CDH10: variants seen among roughly 807,000 people sequenced by gnomAD.
The protein encoded by CDH10 is cadherin-10.
Under a neutral mutation model 73.1 loss-of-function variants are expected in CDH10, and 30 were observed. That is an observed-to-expected ratio of 0.41 (90% CI 0.31 to 0.56). The LOEUF is 0.56. Among genes scored for constraint, CDH10 ranks in the 20% least tolerant of loss-of-function variants. The probability of loss-of-function intolerance (pLI) is 0.27; values close to 1 mark genes in which losing one functional copy is unlikely to be tolerated. For missense variants in CDH10, 815 were observed against 973.7 expected (o/e 0.84, Z 2.17); for synonymous variants, 345 against 348.2 (o/e 0.99, Z 0.10).
chr5:24,562,170 A>G (rs554116215), intron 2 of CDH10, among the ~76,000 whole-genome samples: 99 of 152,098 alleles, frequency 6.5e-4, no homozygotes, highest in Non-Finnish European at 1.3e-3. Flanking sequence ...ATGAAACTAC[A>G]TTCATGTAAA....
intron 3 of CDH10, among the ~76,000 whole-genome samples, chr5:24,536,687 T>C (rs1743965261): frequency 6.6e-6 from 1 of 152,038 alleles, no homozygotes; most frequent in Non-Finnish European, 1.5e-5. Context: ...TTATGTACAT[T>C]GAAAAGAGAA....
At position 24,598,051 on chromosome 5, in the gene CDH10, G is replaced by C. The variant is rs1305515361; in HGVS notation, c.-123-4438C>G. 4.6e-5 allele frequency among the ~76,000 whole-genome samples: 7 copies of C among 151,852 alleles called. No individual in the cohort carries two copies. The South Asian group carries it at 1.4e-3, about 31-fold the overall frequency. The stretch of plus-strand genomic sequence containing the variant: ...TTTAAAGTTTCATAGACCAAATACA[G>C]TCTAATAACATTTCAACACTGAAAA... On this transcript the variant is annotated intron_variant, in intron 1 of 11. Coordinates refer to ENST00000264463, the MANE Select transcript of CDH10 (RefSeq NM_006727.5).
At chr5:24,529,585 C>T (rs1743653853) in intron 5 of CDH10, among the ~76,000 whole-genome samples, 1 of 151,928 alleles carries the variant, frequency 6.6e-6, no homozygotes, top group Non-Finnish European at 1.5e-5. Flanking sequence ...TAAATTCATT[C>T]TTTTGCGTGC....
At chr5:24,490,710 C>G (rs1033929809) in intron 11 of CDH10, among the ~76,000 whole-genome samples, 4 of 151,964 alleles carry the variant, frequency 2.6e-5, no homozygotes, top group Non-Finnish European at 5.9e-5. Context: ...AAAACATGCT[C>G]TTTTTATAAT....
At chr5:24,495,771 G>A (rs1184228030) in intron 9 of CDH10, among the ~76,000 whole-genome samples, 1 of 150,618 alleles carries the variant, frequency 6.6e-6, no homozygotes, top group Non-Finnish European at 1.5e-5. Flanking sequence ...CACTTGAACC[G>A]AACCCAGGAG....
chr5:24,590,202 T>C (rs1030393246), intron 2 of CDH10, among the ~76,000 whole-genome samples: 3 of 143,610 alleles, frequency 2.1e-5, no homozygotes, highest in Non-Finnish European at 4.4e-5. Flanking sequence ...ACTTTGTTTC[T>C]TACAAAACAA....
intron 2 of CDH10, among the ~76,000 whole-genome samples, chr5:24,565,643 C>G (rs1745140432): frequency 6.6e-6 from 1 of 152,058 alleles, no homozygotes; most frequent in Admixed American, 6.6e-5. Context: ...GAGATAGGGC[C>G]TCTAAGGAAG....
At chr5:24,532,330 C>T (rs1316793528) in intron 5 of CDH10, among the ~76,000 whole-genome samples, 1 of 151,990 alleles carries the variant, frequency 6.6e-6, no homozygotes, top group Non-Finnish European at 1.5e-5. Context: ...TAAATTCCAG[C>T]CACTGAGTCC....
At chr5:24,598,068 C>A (rs1443971782) in intron 1 of CDH10, among the ~76,000 whole-genome samples, 1 of 151,930 alleles carries the variant, frequency 6.6e-6, no homozygotes, top group Non-Finnish European at 1.5e-5. Context: ...AACATTTCAA[C>A]ACTGAAAAAT....
chr5:24,511,540 A>G (rs756607911), intron 5 of CDH10, 26 bp from the exon 6 acceptor site: 40 of 976,326 alleles, frequency 4.1e-5, no homozygotes, highest in Middle Eastern at 2.2e-4. Context: ...AAAAGAAGAG[A>G]GAGACAGAGA....
chr5:24,523,059 A>T (rs1743399257), intron 5 of CDH10, among the ~76,000 whole-genome samples: 1 of 151,842 alleles, frequency 6.6e-6, no homozygotes, highest in Non-Finnish European at 1.5e-5. Flanking sequence ...GCATTTAAAT[A>T]TGCAAAGATA....
At chr5:24,525,669 A>C (rs1316438998) in intron 5 of CDH10, among the ~76,000 whole-genome samples, 1 of 152,056 alleles carries the variant, frequency 6.6e-6, no homozygotes, top group Non-Finnish European at 1.5e-5. Context: ...GAAACTACTG[A>C]GGCTTTCGAA....
chr5:24,492,757 A>C (rs1742108145), intron 10 of CDH10, 60 bp downstream of exon 10: 39 of 771,566 alleles, frequency 5.1e-5, no homozygotes, highest in South Asian at 5.0e-4. Context: ...CAATGGTTAC[A>C]CTCGGGAAAT....
At chr5:24,634,342 G>T (rs1747802002) in intron 1 of CDH10, among the ~76,000 whole-genome samples, 1 of 151,722 alleles carries the variant, frequency 6.6e-6, no homozygotes, top group African/African-American at 2.4e-5. Flanking sequence ...TAAAGAGAAA[G>T]TATGTCAAAG....
At chr5:24,497,939 C>T (rs905713748) in intron 9 of CDH10, among the ~76,000 whole-genome samples, 1 of 152,178 alleles carries the variant, frequency 6.6e-6, no homozygotes, top group Admixed American at 6.5e-5. Context: ...GGAGGAAATT[C>T]TGCTGCCCTG....
At chr5:24,534,970 T>C in intron 5 of CDH10, 142 bp downstream of exon 5, 1 of 730,922 alleles carries the variant, frequency 1.4e-6, no homozygotes, top group Non-Finnish European at 2.2e-6. Context: ...ATGTACACCT[T>C]TTGTTTACTT....
At chr5:24,489,426 A>G (rs929950066) in intron 11 of CDH10, among the ~76,000 whole-genome samples, 1 of 151,488 alleles carries the variant, frequency 6.6e-6, no homozygotes, top group Admixed American at 6.6e-5. Flanking sequence ...AGAACTTTTT[A>G]AAAAGTGTAT....
chr5:24,505,269 A>T (rs759709217), intron 7 of CDH10, 21 bp from the exon 8 acceptor site: 90 of 1,605,642 alleles, frequency 5.6e-5, no homozygotes, highest in Non-Finnish European at 7.4e-5. Context: ...AGGGCAAGAA[A>T]AAATACATGG....
At position 24,593,423 on chromosome 5, in the gene CDH10, T is replaced by A. The variant is rs1746267588; in HGVS notation, c.68A>T (p.Glu23Val). The change falls in exon 2 of 12, where the codon GAA becomes GTA. Residue 23 changes from glutamate (E) to valine (V), a missense_variant. Around this residue, in one of 3 missense-constraint regions of CDH10, gnomAD observed 58 missense variants for 96.7 expected, o/e 0.60. Transcript: ENST00000264463. ...CACAGGCGTCCTTCTGAACATTATTTCTGGAGAGCAGAAATGTGGCAGGCA... is the reference window on the plus strand; with the variant it reads ...CACAGGCGTCCTTCTGAACATTATTACTGGAGAGCAGAAATGTGGCAGGCA... ...WVCLPHFCSPEIMFRRTPVPQ... is the reference protein window; with the variant it reads ...WVCLPHFCSPVIMFRRTPVPQ... 1 of 1,612,760 alleles carries A rather than the reference T, an allele frequency of 6.2e-7. No individual in the cohort carries two copies. The highest frequency in any genetic ancestry group is 1.1e-5 in the South Asian group (1 of 91,048).
Sources: gnomAD v4.1 joint callset for allele counts (sites outside exome capture counted in the v4.1 genomes callset) on GRCh38, gnomAD v4.1.1 for gene constraint, gnomAD v4.1.1 regional missense constraint, MANE v1.5 for transcripts, NCBI Gene and HGNC (gene_info 2026-07-23, HGNC 2026-07-21) for gene names.